Variants in IFNLR1 observed in about 807,000 individuals in gnomAD.
IFNLR1 encodes CRF2-12.
Under a neutral mutation model 52.5 loss-of-function variants are expected in IFNLR1, and 28 were observed. That is an observed-to-expected ratio of 0.53 (90% CI 0.40 to 0.73). The LOEUF is 0.73. IFNLR1 is among the 30% of genes least tolerant of loss of function. IFNLR1 has a pLI of 0.00. For synonymous variants in IFNLR1, 276 were observed against 274.9 expected (o/e 1.00, Z -0.04); for missense variants, 623 against 659.1 (o/e 0.95, Z 0.60).
At chr1:24,165,693 C>G (rs1429532589) in intron 3 of IFNLR1, among the ~76,000 whole-genome samples, 1 of 152,234 alleles carries the variant, frequency 6.6e-6, no homozygotes, top group Non-Finnish European at 1.5e-5. Flanking sequence ...TCTGACCACA[C>G]TAGTCACCTT....
At chr1:24,159,302 C>T in intron 5 of IFNLR1, 120 bp from the exon 6 acceptor site, 1 of 1,362,486 alleles carries the variant, frequency 7.3e-7, no homozygotes, top group Non-Finnish European at 1.0e-6. Context: ...ACCCATCCTG[C>T]AGACTGTGCA....
chr1:24,180,023 G>A (rs189915296), intron 2 of IFNLR1, among the ~76,000 whole-genome samples: 282 of 152,304 alleles, frequency 1.9e-3, no homozygotes, highest in African/African-American at 6.4e-3. Flanking sequence ...TTGGCCAAGC[G>A]CGGTGGCTTA....
At chr1:24,162,756 CTTTCTTTCTTTCTTTCTTTCTT>C (rs1557643819) in intron 3 of IFNLR1, among the ~76,000 whole-genome samples, 2,578 of 36,444 alleles carry the variant, frequency 0.071, 111 homozygotes, top group East Asian at 0.11. Flanking sequence ...TTCTTTCTTT[CTTTCTTTCTTTCTTTCTTTCTT>C]TTTCTTTCTT....
intron 5 of IFNLR1, 126 bp from the exon 6 acceptor site, chr1:24,159,308 G>A: frequency 1.5e-6 from 2 of 1,350,292 alleles, no homozygotes; most frequent in Non-Finnish European, 2.1e-6. Context: ...CCTGCAGACT[G>A]TGCAAACCAA....
chr1:24,159,204 T>C, intron 5 of IFNLR1, 22 bp from the exon 6 acceptor site: 1 of 1,613,634 alleles, frequency 6.2e-7, no homozygotes, highest in South Asian at 1.1e-5. Flanking sequence ...AAAATAACAA[T>C]GAGAGAAACA....
intron 1 of IFNLR1, among the ~76,000 whole-genome samples, chr1:24,182,945 A>AAAAG (rs1644706129): frequency 6.7e-6 from 1 of 148,594 alleles, no homozygotes; most frequent in Non-Finnish European, 1.5e-5. Context: ...AAATAAATAA[A>AAAAG]TAAGTAAACA....
chr1:24,178,053 G>T (rs1261503765), intron 2 of IFNLR1, among the ~76,000 whole-genome samples: 1 of 152,096 alleles, frequency 6.6e-6, no homozygotes, highest in African/African-American at 2.4e-5. Context: ...GGGAGGCCGA[G>T]GGGGGCAGAT....
Position 24,185,468 on chromosome 1 carries a change from T to C in IFNLR1, c.58+1723A>G, listed in dbSNP as rs375405251. Among the ~76,000 whole-genome samples the C allele has an allele frequency of 6.6e-4, 100 of 152,370 alleles. 1 individual carries two copies. The South Asian group carries it at 0.02, about 31-fold the overall frequency. On this transcript the variant is annotated intron_variant, in intron 1 of 6. Transcript: ENST00000327535. ...GGGTCCTGAAGTGTCCCATGTGCCATGATGGAAATCCATACGGGTTGCAAA... is the reference window on the plus strand; with the variant it reads ...GGGTCCTGAAGTGTCCCATGTGCCACGATGGAAATCCATACGGGTTGCAAA...
rs1644474630 is a variant in IFNLR1, at chr1:24,162,876, T to TTCC, written c.368-1193_368-1192insGGA. Among the ~76,000 whole-genome samples the TTCC allele has an allele frequency of 1.2e-3, 28 of 22,584 alleles. 1 individual carries two copies. The highest frequency in any genetic ancestry group is 5.0e-3 in the African/African-American group (25 of 5,022). 14.8% of individuals were successfully genotyped at this position (22,584 alleles called of 152,430 possible). A position where few individuals can be genotyped will look rare whatever the true frequency, so the allele number is the denominator to read the frequency against. On this transcript the variant is annotated intron_variant, in intron 3 of 6. Coordinates refer to ENST00000327535, the MANE Select transcript of IFNLR1 (RefSeq NM_170743.4). ...CTTTCTTTCTTTCTTTCTTTCTTTC[T>TTCC]TTCCTTCCTTCCTTCCTTCCTTCCT...
intron 4 of IFNLR1, 106 bp from the exon 5 acceptor site, chr1:24,159,739 T>TG: frequency 1.0e-6 from 1 of 987,324 alleles, no homozygotes; most frequent in Non-Finnish European, 1.5e-6. Flanking sequence ...TTTTTTTTGT[T>TG]TTTTTTTTTT....
At position 24,157,121 on chromosome 1, in the gene IFNLR1, G is replaced by C. The variant is rs867357850; in HGVS notation, c.*9C>G. ...CAGCATCAGATTCGGTGGGATGTCG[G>C]GGGACAGCTCACCTGGCCATGTAAT... is the stretch of plus-strand genomic sequence containing the variant. On this transcript the variant is annotated 3_prime_UTR_variant, in exon 7 of 7. Coordinates refer to ENST00000327535, the MANE Select transcript of IFNLR1 (RefSeq NM_170743.4). This position sits in a 1 kb window ranked among gnomAD's most constrained non-coding sequence, Gnocchi z 5.1. 1 of 1,597,460 alleles carries C rather than the reference G, an allele frequency of 6.3e-7. No individual in the cohort carries two copies. Among genetic ancestry groups the C allele is most frequent in the South Asian group, 1.1e-5 (1 of 87,796 alleles).
In IFNLR1 at chr1:24,159,101, G is replaced by A; in HGVS notation, c.752C>T (p.Thr251Ile). 1 of 1,614,112 alleles carries A rather than the reference G, an allele frequency of 6.2e-7. No homozygotes were observed. Among genetic ancestry groups the A allele is most frequent in the African/African-American group, 1.3e-5 (1 of 75,014 alleles). Residue 251 changes from threonine (T) to isoleucine (I), a missense_variant, in exon 6 of 7, where the codon ACC (threonine) becomes ATC (isoleucine). Transcript: ENST00000327535. ...VIAAGGVIWK[T>I]LMGNPWFQRA... ...CTGAAACCAGGGGTTCCCCATGAGG[G>A]TCTTCCAGATCACACCCCCTGCGGC...
At chr1:24,187,286 CCCCGCCTCCCGCCT>C (rs974020339) in exon 1 of IFNLR1, 14 of 1,225,062 alleles carry the variant, frequency 1.1e-5, no homozygotes, top group African/African-American at 4.7e-5. Flanking sequence ...GGGCCCAGGT[CCCCGCCTCCCGCCT>C]CCCGCCTCCC....
At chr1:24,185,660 T>A (rs1009585467) in intron 1 of IFNLR1, among the ~76,000 whole-genome samples, 1 of 152,204 alleles carries the variant, frequency 6.6e-6, no homozygotes, top group Non-Finnish European at 1.5e-5. Context: ...ACTCCCAGCT[T>A]CTGGACTTCC....
intron 2 of IFNLR1, among the ~76,000 whole-genome samples, 162 bp downstream of exon 2, chr1:24,180,569 T>G (rs189370053): frequency 1.4e-4 from 21 of 152,166 alleles, no homozygotes; most frequent in Admixed American, 1.1e-3. Context: ...CAGACCTTTA[T>G]CAAAAGCCCC....
Position 24,169,500 on chromosome 1 carries a change from T to C in IFNLR1, c.284A>G (p.Lys95Arg), listed in dbSNP as rs755199467. Reference sequence around the variant, plus strand: ...AACCGTCCGCACGCGTCCCTTGAACTTGTTGTACAGGTCCTGTTTCTTCAG... The same window carrying C: ...AACCGTCCGCACGCGTCCCTTGAACCTGTTGTACAGGTCCTGTTTCTTCAG... ...MCLKKQDLYN[K>R]FKGRVRTVSP... The change falls in exon 3 of 7, where the codon AAG (lysine) becomes AGG (arginine). Residue 95 changes from lysine (K) to arginine (R), a missense_variant. Physicochemically the swap from Lys to Arg is conservative, Grantham distance 26. Transcript: ENST00000327535. The C allele has an allele frequency of 2.8e-5, 46 of 1,614,112 alleles. No individual in the cohort carries two copies. Among genetic ancestry groups the C allele is most frequent in the Non-Finnish European group, 3.6e-5 (43 of 1,180,054 alleles).
chr1:24,171,083 T>C (rs904476097), intron 2 of IFNLR1, among the ~76,000 whole-genome samples: 1 of 152,164 alleles, frequency 6.6e-6, no homozygotes, highest in African/African-American at 2.4e-5. Flanking sequence ...TAATGATAAA[T>C]GATTCCATTC....
At chr1:24,160,067 T>A (rs1644426548) in intron 4 of IFNLR1, among the ~76,000 whole-genome samples, 1 of 152,192 alleles carries the variant, frequency 6.6e-6, no homozygotes, top group Non-Finnish European at 1.5e-5. Flanking sequence ...CAAGACTACC[T>A]GAGTTCTTTT....
At position 24,156,864 on chromosome 1, in the gene IFNLR1, G is replaced by A. The variant is rs1465902589; in HGVS notation, c.*266C>T. ...GGCCTGTCACCCTAGGGACAATGGG[G>A]GTGATGACACCCCACCAACCTCTGA... On this transcript the variant is annotated 3_prime_UTR_variant, in exon 7 of 7. Coordinates refer to ENST00000327535, the MANE Select transcript of IFNLR1 (RefSeq NM_170743.4). The A allele has an allele frequency of 1.5e-5, 8 of 516,402 alleles. No homozygotes were observed. Among genetic ancestry groups the A allele is most frequent in the Non-Finnish European group, 2.4e-5 (7 of 292,418 alleles). The allele number at this position is 516,402 out of a possible 1,614,324, so 32.0% of individuals were successfully genotyped here.
Sources: allele counts gnomAD v4.1 joint callset (sites outside exome capture counted in the v4.1 genomes callset), GRCh38; gene constraint gnomAD v4.1.1; non-coding constraint Gnocchi (gnomAD v3.1); transcripts MANE v1.5; gene names NCBI Gene and HGNC (gene_info 2026-07-23, HGNC 2026-07-21).